The following GALNT13 variants were observed in gnomAD, a reference collection of about 807,000 sequenced individuals.
GALNT13 encodes UDP-GalNAc:polypeptide N-acetylgalactosaminyltransferase 13.
In GALNT13, 28 loss-of-function variants were observed where a neutral mutation model predicts 64.2. The ratio of observed to expected loss-of-function variants is 0.44; its 90% CI spans 0.32 to 0.60. GALNT13 has a LOEUF of 0.60. Among genes scored for constraint, GALNT13 ranks in the 20% least tolerant of loss-of-function variants. The probability of loss-of-function intolerance (pLI) is 0.05; values close to 1 mark genes in which losing one functional copy is unlikely to be tolerated. For missense variants in GALNT13, 577 were observed against 669.8 expected, an observed-to-expected ratio of 0.86 and a Z score of 1.53; for synonymous variants, 214 against 224.6, an observed-to-expected ratio of 0.95 and a Z score of 0.42.
chr2:153,931,270 T>G (rs892221532), intron 2 of GALNT13, among the ~76,000 whole-genome samples: 1 of 151,134 alleles, frequency 6.6e-6, no homozygotes, highest in Non-Finnish European at 1.5e-5. Flanking sequence ...TTTTCTAGTA[T>G]AAAATCCTAT....
intron 4 of GALNT13, among the ~76,000 whole-genome samples, chr2:154,194,253 AG>A (rs888479216): frequency 3.3e-5 from 5 of 152,198 alleles, no homozygotes; most frequent in African/African-American, 1.2e-4. Flanking sequence ...ATTAATTACA[AG>A]TTAATCATAT....
At chr2:153,981,264 T>C (rs1174711431) in intron 3 of GALNT13, among the ~76,000 whole-genome samples, 5 of 152,140 alleles carry the variant, frequency 3.3e-5, no homozygotes, top group Non-Finnish European at 7.4e-5. Flanking sequence ...ATATGCACAA[T>C]GTGCAGGTTT....
the GALNT13 span, among the ~76,000 whole-genome samples, chr2:153,131,246 C>T: frequency 4.3e-4 from 65 of 152,172 alleles, no homozygotes; most frequent in Non-Finnish European, 8.4e-4. Context: ...AAGTAGGCCC[C>T]TTGGAAAAGT....
the GALNT13 span, among the ~76,000 whole-genome samples, chr2:153,296,061 C>G: frequency 0.15 from 22,386 of 152,182 alleles, 2,109 homozygotes; most frequent in Non-Finnish European, 0.21. Context: ...GCTCCGCTCT[C>G]CAGACTGCAG....
At chr2:154,398,721 T>C (rs1699166576) in intron 10 of GALNT13, among the ~76,000 whole-genome samples, 1 of 152,196 alleles carries the variant, frequency 6.6e-6, no homozygotes, top group African/African-American at 2.4e-5. Context: ...CTACTACCTC[T>C]GTCAACAGAA....
At chr2:153,130,240 A>G in the GALNT13 span, among the ~76,000 whole-genome samples, 1 of 152,138 alleles carries the variant, frequency 6.6e-6, no homozygotes, top group Admixed American at 6.6e-5. Context: ...AGTAGCAGCC[A>G]CAGGGACCCT....
At chr2:153,265,574 C>T in the GALNT13 span, among the ~76,000 whole-genome samples, 1 of 152,158 alleles carries the variant, frequency 6.6e-6, no homozygotes, top group Admixed American at 6.5e-5. Context: ...ATAGGTGATT[C>T]AAGACTGTCC....
chr2:153,093,053 T>A, the GALNT13 span, among the ~76,000 whole-genome samples: 16 of 150,496 alleles, frequency 1.1e-4, no homozygotes, highest in Non-Finnish European at 1.9e-4. Context: ...GTTTTTTTTT[T>A]AATCATGAAG....
At chr2:153,412,389 TTTATC>T in the GALNT13 span, among the ~76,000 whole-genome samples, 6 of 152,306 alleles carry the variant, frequency 3.9e-5, no homozygotes, top group Admixed American at 2.6e-4. Flanking sequence ...TGAAAACACT[TTTATC>T]TTCTCTTCAG....
chr2:153,922,121 G>A (rs1689800254), intron 2 of GALNT13, among the ~76,000 whole-genome samples: 1 of 152,098 alleles, frequency 6.6e-6, no homozygotes, highest in South Asian at 2.1e-4. Flanking sequence ...AAAATAAAAT[G>A]TTGATTGCTA....
the GALNT13 span, among the ~76,000 whole-genome samples, chr2:153,836,621 T>G: frequency 6.6e-6 from 1 of 151,790 alleles, no homozygotes; most frequent in African/African-American, 2.4e-5. Flanking sequence ...ACTCGTCATT[T>G]AACATTAGGT....
At chr2:153,596,746 TA>T in the GALNT13 span, among the ~76,000 whole-genome samples, 1 of 152,092 alleles carries the variant, frequency 6.6e-6, no homozygotes, top group African/African-American at 2.4e-5. Context: ...AATCAGTAAT[TA>T]AAATGATTAA....
chr2:153,808,400 TTC>T, the GALNT13 span, among the ~76,000 whole-genome samples: 2 of 152,152 alleles, frequency 1.3e-5, no homozygotes, highest in African/African-American at 4.8e-5. Flanking sequence ...CATTTTTTCT[TTC>T]TACTCTTCAA....
At chr2:153,570,563 TTTTCTTGTAGTTC>T in the GALNT13 span, among the ~76,000 whole-genome samples, 1 of 152,238 alleles carries the variant, frequency 6.6e-6, no homozygotes, top group Non-Finnish European at 1.5e-5. Context: ...TCCCCCAGTG[TTTTCTTGTAGTTC>T]TTTCATAGGC....
intron 3 of GALNT13, among the ~76,000 whole-genome samples, chr2:154,035,393 A>C (rs569870584): frequency 6.6e-6 from 1 of 152,170 alleles, no homozygotes; most frequent in Admixed American, 6.5e-5. Context: ...ATAGAACTTT[A>C]AATTAACCCC....
intron 9 of GALNT13, among the ~76,000 whole-genome samples, chr2:154,381,509 G>C (rs1173339172): frequency 1.3e-5 from 2 of 152,018 alleles, no homozygotes; most frequent in African/African-American, 4.8e-5. Flanking sequence ...TGATTAAGCT[G>C]ATGAGGAAAG....
chr2:153,842,721 A>T, the GALNT13 span, among the ~76,000 whole-genome samples: 1 of 46,192 alleles, frequency 2.2e-5, no homozygotes, highest in Non-Finnish European at 6.9e-5. Flanking sequence ...TTACAAAAGG[A>T]TAACACACAC....
the GALNT13 span, among the ~76,000 whole-genome samples, chr2:153,212,407 A>G: frequency 6.6e-6 from 1 of 152,240 alleles, no homozygotes; most frequent in East Asian, 1.9e-4. Flanking sequence ...TGTTCTTCCT[A>G]TTGTGCACAT....
chr2:153,601,238 A>T, the GALNT13 span, among the ~76,000 whole-genome samples: 1 of 150,548 alleles, frequency 6.6e-6, no homozygotes, highest in Admixed American at 6.7e-5. Flanking sequence ...TTTCTATTTT[A>T]AGCTCCTTAA....
Sources: gnomAD v4.1 joint callset for allele counts (sites outside exome capture counted in the v4.1 genomes callset) on GRCh38, gnomAD v4.1.1 for gene constraint, MANE v1.5 for transcripts, NCBI Gene and HGNC (gene_info 2026-07-23, HGNC 2026-07-21) for gene names.